The following SCMH1 variants were observed in gnomAD, a reference collection of about 807,000 sequenced individuals.
SCMH1 encodes Scm polycomb group protein homolog 1.
A neutral mutation model predicts 70.8 loss-of-function variants in SCMH1; 37 were observed. The ratio of observed to expected loss-of-function variants is 0.52; its 90% confidence interval spans 0.40 to 0.69. The LOEUF (loss-of-function observed/expected upper bound fraction) is 0.69. SCMH1 is among the 30% of genes least tolerant of loss of function. SCMH1 has a pLI of 0.00. For synonymous variants in SCMH1, 292 were observed against 307.4 expected, an observed-to-expected ratio of 0.95 and a Z score of 0.52; for missense variants, 607 against 827.3, an observed-to-expected ratio of 0.73 and a Z score of 3.27.
intron 6 of SCMH1, 98 bp downstream of exon 6, chr1:41,142,779 AT>A: frequency 1.0e-6 from 1 of 994,676 alleles, no homozygotes; most frequent in Non-Finnish European, 1.5e-6. Flanking sequence ...AAAATAAGGG[AT>A]AAGCTGGGTA....
At chr1:41,091,084 A>G (rs1486594206) in intron 8 of SCMH1, among the ~76,000 whole-genome samples, 1 of 152,114 alleles carries the variant, frequency 6.6e-6, no homozygotes, top group Non-Finnish European at 1.5e-5. Flanking sequence ...CACAACAAAA[A>G]AAGACACTTT....
intron 13 of SCMH1, among the ~76,000 whole-genome samples, chr1:41,035,214 C>T (rs962592919): frequency 2.0e-5 from 3 of 152,186 alleles, no homozygotes; most frequent in African/African-American, 7.2e-5. Flanking sequence ...ACCCTGACTG[C>T]CTTCCCAGAT....
intron 8 of SCMH1, among the ~76,000 whole-genome samples, chr1:41,106,747 T>A (rs1668029921): frequency 6.6e-6 from 1 of 151,850 alleles, no homozygotes; most frequent in Non-Finnish European, 1.5e-5. Flanking sequence ...TGGAGTGCAG[T>A]GGCGCAATCT....
intron 13 of SCMH1, among the ~76,000 whole-genome samples, chr1:41,032,994 AAGAC>A (rs1284132189): frequency 1.3e-5 from 2 of 151,254 alleles, no homozygotes; most frequent in East Asian, 1.9e-4. Context: ...AAAAAAAAAA[AAGAC>A]AGAGGCTATT....
chr1:41,145,528 T>C (rs1284300631), intron 5 of SCMH1, among the ~76,000 whole-genome samples: 2 of 152,216 alleles, frequency 1.3e-5, no homozygotes, highest in Non-Finnish European at 2.9e-5. Context: ...CTTTTCAAGA[T>C]TGCTATGGCT....
At chr1:41,209,158 T>G (rs539439311) in intron 1 of SCMH1, among the ~76,000 whole-genome samples, 1 of 152,076 alleles carries the variant, frequency 6.6e-6, no homozygotes, top group Non-Finnish European at 1.5e-5. Flanking sequence ...CTCCCAAGAC[T>G]AAACCAGGAA....
At chr1:41,184,590 T>G (rs1195003426) in intron 2 of SCMH1, among the ~76,000 whole-genome samples, 1 of 152,136 alleles carries the variant, frequency 6.6e-6, no homozygotes, top group African/African-American at 2.4e-5. Context: ...CAGCAGGGAT[T>G]TCACAAAATG....
intron 11 of SCMH1, 134 bp from the exon 12 acceptor site, chr1:41,046,732 C>T (rs1646932890): frequency 1.5e-6 from 1 of 687,054 alleles, no homozygotes; most frequent in Non-Finnish European, 2.5e-6. Context: ...CACGTTTCCT[C>T]CCTCCCTCCC....
chr1:41,173,765 T>C (rs113987575), intron 2 of SCMH1, among the ~76,000 whole-genome samples: 8,588 of 152,188 alleles, frequency 0.056, 286 homozygotes, highest in Non-Finnish European at 0.069. Context: ...ATATAAACAA[T>C]GGGATACTAT....
chr1:41,106,333 GGTT>G (rs201772907), intron 8 of SCMH1, among the ~76,000 whole-genome samples: 2,034 of 151,602 alleles, frequency 0.013, 80 homozygotes, highest in African/African-American at 0.047. Context: ...AGTGAGTTCT[GGTT>G]GTTGTAAAAG....
chr1:41,074,812 C>T (rs1657699873), intron 9 of SCMH1, among the ~76,000 whole-genome samples: 1 of 152,162 alleles, frequency 6.6e-6, no homozygotes, highest in African/African-American at 2.4e-5. Context: ...GAGAAGAGGG[C>T]CAGATGTGCC....
chr1:41,230,520 C>T (rs1661096984), intron 1 of SCMH1, among the ~76,000 whole-genome samples: 1 of 151,884 alleles, frequency 6.6e-6, no homozygotes, highest in South Asian at 2.1e-4. Flanking sequence ...TAGCTGGGTT[C>T]CATAGCACAC....
At chr1:41,159,024 G>C (rs1354665527) in intron 4 of SCMH1, among the ~76,000 whole-genome samples, 1 of 152,142 alleles carries the variant, frequency 6.6e-6, no homozygotes, top group East Asian at 1.9e-4. Flanking sequence ...AAAACTTGAG[G>C]AGTTCAAGAT....
At chr1:41,163,757 A>C (rs1646227592) in intron 2 of SCMH1, among the ~76,000 whole-genome samples, 1 of 152,196 alleles carries the variant, frequency 6.6e-6, no homozygotes. Context: ...TCTGTTGTTT[A>C]AGCCACCTAG....
At chr1:41,164,268 G>T (rs1646262976) in intron 2 of SCMH1, among the ~76,000 whole-genome samples, 1 of 151,840 alleles carries the variant, frequency 6.6e-6, no homozygotes, top group Admixed American at 6.6e-5. Flanking sequence ...AAGCTAATTG[G>T]TCTCATTTTA....
intron 4 of SCMH1, among the ~76,000 whole-genome samples, chr1:41,155,507 AAAAC>A (rs547168813): frequency 2.9e-4 from 44 of 152,082 alleles, no homozygotes; most frequent in South Asian, 4.2e-4. Flanking sequence ...ACATGGAGCA[AAAAC>A]AAACAAACAA....
intron 12 of SCMH1, 130 bp from the exon 13 acceptor site, chr1:41,037,671 A>G: frequency 1.4e-6 from 1 of 739,752 alleles, no homozygotes. Flanking sequence ...AGGCCTGTGT[A>G]CCAGTCATGG....
chr1:41,191,526 G>A (rs1651712623), intron 1 of SCMH1, among the ~76,000 whole-genome samples: 1 of 152,116 alleles, frequency 6.6e-6, no homozygotes, highest in Non-Finnish European at 1.5e-5. Context: ...CCATGTCAAA[G>A]TCACATTGTG....
At chr1:41,074,482 A>AT (rs1473553726) in intron 9 of SCMH1, among the ~76,000 whole-genome samples, 4 of 151,918 alleles carry the variant, frequency 2.6e-5, no homozygotes, top group Admixed American at 2.0e-4. Context: ...TAGGTATTCA[A>AT]TTTTTTTTAA....
Sources: allele counts gnomAD v4.1 joint callset (sites outside exome capture counted in the v4.1 genomes callset), GRCh38; gene constraint gnomAD v4.1.1; transcripts MANE v1.5; gene names NCBI Gene and HGNC (gene_info 2026-07-23, HGNC 2026-07-21).